The following PHF5A variants were observed in gnomAD, a reference collection of about 807,000 sequenced individuals.
PHF5A encodes PHD finger protein 5A.
For synonymous variants in PHF5A, 52 were observed against 46.0 expected (o/e 1.13, Z -0.52); for missense variants, 24 against 140.6 (o/e 0.17, Z 4.19).
Position 41,463,223 on chromosome 22 carries a change from A to C in PHF5A, c.244-2736T>G, listed in dbSNP as rs569665607. On this transcript the variant is annotated intron_variant, in intron 3 of 3. Transcript: ENST00000216252. Reference sequence around the variant, plus strand: ...AGGCTCCTGCCCAGCCCCAAAATTTAATTAATTTACATTAACTTTTAACCT... The same window carrying C: ...AGGCTCCTGCCCAGCCCCAAAATTTCATTAATTTACATTAACTTTTAACCT... Among the ~76,000 whole-genome samples, 3 of 152,042 alleles carry C rather than the reference A, an allele frequency of 2.0e-5. No individual in the cohort carries two copies. In the South Asian group the frequency reaches 6.2e-4, roughly 32 times the overall value.
chr22:41,466,422 T>C (rs1259752767), intron 3 of PHF5A, among the ~76,000 whole-genome samples: 1 of 152,222 alleles, frequency 6.6e-6, no homozygotes, highest in Non-Finnish European at 1.5e-5. Context: ...ATCTGTTACC[T>C]GCTTAAAGCT....
intron 3 of PHF5A, among the ~76,000 whole-genome samples, chr22:41,462,688 G>A (rs1309895304): frequency 6.6e-6 from 1 of 152,076 alleles, no homozygotes; most frequent in African/African-American, 2.4e-5. Context: ...TTACTGACTT[G>A]TGCAAATGTG....
chr22:41,463,648 C>G (rs929709192), intron 3 of PHF5A, among the ~76,000 whole-genome samples: 1 of 148,524 alleles, frequency 6.7e-6, no homozygotes, highest in African/African-American at 2.5e-5. Context: ...TTGCTTGAAC[C>G]CAGGAGGCAT....
chr22:41,462,657 G>C (rs1720265193), intron 3 of PHF5A, among the ~76,000 whole-genome samples: 1 of 152,174 alleles, frequency 6.6e-6, no homozygotes, highest in South Asian at 2.1e-4. Context: ...CTCATGATAT[G>C]ATGATAGCTT....
intron 3 of PHF5A, among the ~76,000 whole-genome samples, chr22:41,465,394 C>T (rs1385752060): frequency 6.6e-6 from 1 of 151,976 alleles, no homozygotes; most frequent in East Asian, 2.0e-4. Context: ...AACTCCTGAC[C>T]TCAGGTGATC....
chr22:41,468,210 A>C (rs1601868630), intron 1 of PHF5A, 63 bp from the exon 2 acceptor site: 1 of 1,557,754 alleles, frequency 6.4e-7, no homozygotes, highest in East Asian at 2.2e-5. Flanking sequence ...GAGGAGAAGT[A>C]CATCCTCGAG....
At chr22:41,461,602 C>T (rs2146059425) in intron 3 of PHF5A, among the ~76,000 whole-genome samples, 1 of 152,236 alleles carries the variant, frequency 6.6e-6, no homozygotes, top group South Asian at 2.1e-4. Context: ...AGGCAACCCG[C>T]CTGCCTCAGC....
At chr22:41,464,143 A>C (rs962980195) in intron 3 of PHF5A, among the ~76,000 whole-genome samples, 23 of 152,222 alleles carry the variant, frequency 1.5e-4, no homozygotes, top group African/African-American at 5.5e-4. Context: ...AAAAGGAATA[A>C]AGGAATCAAG....
chr22:41,460,615 G>A, intron 3 of PHF5A, 128 bp from the exon 4 acceptor site: 1 of 569,742 alleles, frequency 1.8e-6, no homozygotes, highest in East Asian at 3.1e-5. Context: ...GGCCGAGGCA[G>A]GAGGATTGCT....
intron 3 of PHF5A, among the ~76,000 whole-genome samples, chr22:41,466,510 G>T (rs2037867034): frequency 6.6e-6 from 1 of 152,128 alleles, no homozygotes; most frequent in African/African-American, 2.4e-5. Context: ...GATTTAAGTG[G>T]CTATGACACA....
At chr22:41,468,035 C>T in intron 2 of PHF5A, 89 bp downstream of exon 2, 1 of 1,428,910 alleles carries the variant, frequency 7.0e-7, no homozygotes, top group South Asian at 1.2e-5. Flanking sequence ...GGCACATCTA[C>T]TCAAAGCCCT....
rs780059894 is a variant in PHF5A at position 41,459,918 on chromosome 22, CAA to C, written c.*478_*479del. On this transcript the variant is annotated 3_prime_UTR_variant, in exon 4 of 4. Transcript: ENST00000216252. ...GAGCCCTGCCCCCCCACCCCCCCCC[CAA>C]AAAAAACGGGAAATGCCTACATTTC... is the stretch of plus-strand genomic sequence containing the variant. 11 of 112,380 alleles carry C rather than the reference CAA, an allele frequency of 9.8e-5. No homozygotes were observed. The highest frequency in any genetic ancestry group is 1.8e-4 in the Admixed American group (2 of 11,164). 7.0% of individuals were successfully genotyped at this position (112,380 alleles called of 1,614,324 possible). A position where few individuals can be genotyped will look rare whatever the true frequency, so the allele number is the denominator to read the frequency against.
intron 3 of PHF5A, among the ~76,000 whole-genome samples, chr22:41,463,962 T>C (rs1426433308): frequency 6.6e-6 from 1 of 152,168 alleles, no homozygotes; most frequent in African/African-American, 2.4e-5. Flanking sequence ...CACGTGACCT[T>C]GGGCTAACCA....
Position 41,460,170 on chromosome 22 carries a change from A to C in PHF5A, c.*228T>G. ...TTCAAGAAAAACCATTAACTAATCT[A>C]TCAAGTTTTCTCCGATATGGTGTGC... On this transcript the variant is annotated 3_prime_UTR_variant, in exon 4 of 4. Transcript: ENST00000216252. 2.6e-6 allele frequency: 1 copy of C among 389,622 alleles called. No individual in the cohort carries two copies. Among genetic ancestry groups the C allele is most frequent in the Non-Finnish European group, 4.6e-6 (1 of 216,092 alleles). The allele number at this position is 389,622 out of a possible 1,614,324, so 24.1% of individuals were successfully genotyped here.
intron 3 of PHF5A, among the ~76,000 whole-genome samples, chr22:41,465,616 T>C (rs2037860116): frequency 6.6e-6 from 1 of 151,444 alleles, no homozygotes; most frequent in African/African-American, 2.4e-5. Context: ...GCGTGATGGC[T>C]CACGCCTGTA....
At chr22:41,462,879 T>TC (rs1213287542) in intron 3 of PHF5A, among the ~76,000 whole-genome samples, 2 of 151,872 alleles carry the variant, frequency 1.3e-5, no homozygotes, top group Non-Finnish European at 2.9e-5. Context: ...GGTTAGCTTT[T>TC]TTTTTTTTTT....
intron 3 of PHF5A, among the ~76,000 whole-genome samples, chr22:41,465,191 AGAAG>A (rs2037856403): frequency 6.6e-6 from 1 of 150,650 alleles, no homozygotes; most frequent in Admixed American, 6.6e-5. Flanking sequence ...TTTTTTTTTG[AGAAG>A]GAATTTCGCT....
intron 1 of PHF5A, 160 bp from the exon 2 acceptor site, chr22:41,468,307 C>A: frequency 1.4e-6 from 1 of 698,786 alleles, no homozygotes; most frequent in Admixed American, 2.6e-5. Context: ...ATGAACCAAA[C>A]CTACATCCAA....
Position 41,467,620 on chromosome 22 carries a change from A to T in PHF5A, c.77-6T>A. On this transcript the variant is annotated splice_polypyrimidine_tract_variant and splice_region_variant and intron_variant, in intron 2 of 3. Transcript: ENST00000216252. The stretch of plus-strand genomic sequence containing the variant: ...AATCACACACTTGCCATCACCTGTA[A>T]GGAAGAGAATGGAGTCATGCTCACA... 2 of 1,614,078 alleles carry T rather than the reference A, an allele frequency of 1.2e-6. No individual in the cohort carries two copies. Among genetic ancestry groups the T allele is most frequent in the East Asian group, 2.2e-5 (1 of 44,880 alleles).
Sources: allele counts gnomAD v4.1 joint callset (sites outside exome capture counted in the v4.1 genomes callset), GRCh38; gene constraint gnomAD v4.1.1; transcripts MANE v1.5; gene names NCBI Gene and HGNC (gene_info 2026-07-23, HGNC 2026-07-21).